CNTNAP2: variants seen among roughly 807,000 people sequenced by gnomAD.
CNTNAP2 encodes the protein contactin-associated protein-like 2.
A neutral mutation model predicts 155.2 loss-of-function variants in CNTNAP2; 98 were observed. The observed-to-expected ratio is 0.63, with a 90% CI of 0.54 to 0.75. CNTNAP2 has a LOEUF of 0.75. CNTNAP2 is among the 30% of genes least tolerant of loss of function. CNTNAP2 has a pLI of 0.00. For synonymous variants in CNTNAP2, 651 were observed against 631.2 expected, an observed-to-expected ratio of 1.03 and a Z score of -0.47; for missense variants, 1,727 against 1,688.1, an observed-to-expected ratio of 1.02 and a Z score of -0.40.
chr7:147,110,174 C>T (rs1042223863), intron 5 of CNTNAP2, among the ~76,000 whole-genome samples: 5 of 152,126 alleles, frequency 3.3e-5, no homozygotes, highest in African/African-American at 7.2e-5. Context: ...ATCCACCTGC[C>T]TTGGCCTTCC....
intron 3 of CNTNAP2, among the ~76,000 whole-genome samples, chr7:146,961,650 A>T (rs1452047797): frequency 6.6e-6 from 1 of 152,140 alleles, no homozygotes; most frequent in African/African-American, 2.4e-5. Flanking sequence ...GGGAACGAAA[A>T]TAATATCGTC....
At chr7:147,457,842 CAA>C (rs10718454) in intron 10 of CNTNAP2, among the ~76,000 whole-genome samples, 6 of 151,500 alleles carry the variant, frequency 4.0e-5, no homozygotes, top group East Asian at 1.9e-4. Flanking sequence ...AATGAATCAA[CAA>C]AAAAAAAATC....
rs1372575910 is a variant in CNTNAP2, at chr7:146,826,856, AT to A, written c.209-12854del. 4.1e-4 allele frequency among the ~76,000 whole-genome samples: 56 copies of A among 138,262 alleles called. 2 individuals are homozygous for A. The highest frequency in any genetic ancestry group is 1.9e-3 in the South Asian group (9 of 4,636). 90.7% of individuals were successfully genotyped at this position (138,262 alleles called of 152,430 possible). ...TATATGTATATATATATATATATAT[AT>A]AGAGAGAGAGAGAGAGAGAGAGACT... is the stretch of plus-strand genomic sequence containing the variant. On this transcript the variant is annotated intron_variant, in intron 2 of 23. Transcript: ENST00000361727.
chr7:146,506,349 C>T (rs1007848321), intron 1 of CNTNAP2, among the ~76,000 whole-genome samples: 26 of 152,318 alleles, frequency 1.7e-4, no homozygotes, highest in African/African-American at 4.1e-4. Flanking sequence ...TCTGTGTCCA[C>T]GCTGGGCATT....
intron 14 of CNTNAP2, among the ~76,000 whole-genome samples, chr7:147,936,901 A>G (rs886770249): frequency 3.9e-5 from 6 of 152,150 alleles, no homozygotes; most frequent in African/African-American, 1.4e-4. Flanking sequence ...AATAAAGAAA[A>G]GTGAATGAGT....
chr7:148,240,500 C>T (rs1796126040), intron 20 of CNTNAP2, among the ~76,000 whole-genome samples: 1 of 152,144 alleles, frequency 6.6e-6, no homozygotes, highest in Admixed American at 6.5e-5. Flanking sequence ...TCAGTGTAAA[C>T]AGAGACCCCA....
Position 146,287,950 on chromosome 7 carries a change from T to G in CNTNAP2, c.97+170977T>G, listed in dbSNP as rs1235742230. Among the ~76,000 whole-genome samples the G allele has an allele frequency of 2.6e-5, 4 of 152,220 alleles. No individual in the cohort carries two copies. In the East Asian group the frequency reaches 7.7e-4, roughly 29 times the overall value. On this transcript the variant is annotated intron_variant, in intron 1 of 23. Transcript: ENST00000361727. ...AATAGTTGTCTCCAAAAATTTAAAT[T>G]TGTATTAAATTTTCTCTTATGTCTT...
intron 1 of CNTNAP2, among the ~76,000 whole-genome samples, chr7:146,257,414 T>C (rs985509440): frequency 4.6e-5 from 7 of 152,212 alleles, no homozygotes; most frequent in Admixed American, 3.9e-4. Context: ...TACCTTCTGC[T>C]GTTTACAAGG....
At chr7:146,823,999 A>G (rs1803349376) in intron 2 of CNTNAP2, among the ~76,000 whole-genome samples, 1 of 148,956 alleles carries the variant, frequency 6.7e-6, no homozygotes, top group Non-Finnish European at 1.5e-5. Flanking sequence ...TAAGCCCCAC[A>G]TGCATTAGGT....
intron 3 of CNTNAP2, among the ~76,000 whole-genome samples, chr7:146,853,901 A>G (rs1794928089): frequency 6.6e-6 from 1 of 152,192 alleles, no homozygotes. Flanking sequence ...TATAAACAAT[A>G]ATGTTTATTA....
intron 12 of CNTNAP2, among the ~76,000 whole-genome samples, chr7:147,586,634 A>C (rs1800631957): frequency 6.6e-6 from 1 of 151,646 alleles, no homozygotes; most frequent in South Asian, 2.1e-4. Flanking sequence ...ATGAGGCAGA[A>C]ACAAAACGGA....
intron 20 of CNTNAP2, among the ~76,000 whole-genome samples, chr7:148,251,968 T>A (rs751106690): frequency 2.0e-5 from 3 of 152,200 alleles, no homozygotes; most frequent in Non-Finnish European, 2.9e-5. Context: ...TCAGAATCCA[T>A]CTTCTTTACC....
intron 1 of CNTNAP2, among the ~76,000 whole-genome samples, chr7:146,293,762 T>A (rs1800468609): frequency 6.6e-6 from 1 of 151,742 alleles, no homozygotes. Context: ...ATTATCTAAT[T>A]TGAAAAAATA....
chr7:147,679,185 A>G (rs1444859450), intron 13 of CNTNAP2, among the ~76,000 whole-genome samples: 1 of 151,906 alleles, frequency 6.6e-6, no homozygotes, highest in African/African-American at 2.4e-5. Context: ...TTATAGTGCA[A>G]TCCATTATCT....
chr7:147,564,064 G>A (rs1423469459), intron 12 of CNTNAP2, among the ~76,000 whole-genome samples: 1 of 152,118 alleles, frequency 6.6e-6, no homozygotes, highest in African/African-American at 2.4e-5. Context: ...AGCTACTTGG[G>A]TGGCTCATGT....
At chr7:148,240,125 C>T (rs1423854837) in intron 20 of CNTNAP2, among the ~76,000 whole-genome samples, 1 of 152,102 alleles carries the variant, frequency 6.6e-6, no homozygotes, top group Non-Finnish European at 1.5e-5. Context: ...AAATTGATTC[C>T]ACTTTAATCA....
rs113823318 is a variant in CNTNAP2, at chr7:147,269,395, C to A, written c.1349-30746C>A. ...AAAGTGTTCACCCACTCAACATAAC[C>A]ATGTTGGATATATAATGCAATCCAG... On this transcript the variant is annotated intron_variant, in intron 8 of 23. Transcript: ENST00000361727. 8.4e-3 allele frequency among the ~76,000 whole-genome samples: 1,277 copies of A among 152,226 alleles called. 22 individuals are homozygous for A. The highest frequency in any genetic ancestry group is 0.029 in the African/African-American group (1,216 of 41,536).
At chr7:147,356,044 C>T (rs1048552224) in intron 9 of CNTNAP2, among the ~76,000 whole-genome samples, 13 of 152,092 alleles carry the variant, frequency 8.5e-5, no homozygotes, top group African/African-American at 3.1e-4. Context: ...CAATAAAATA[C>T]TAGCAAACTG....
At chr7:147,950,192 G>A (rs1259609954) in intron 14 of CNTNAP2, among the ~76,000 whole-genome samples, 1 of 151,808 alleles carries the variant, frequency 6.6e-6, no homozygotes, top group South Asian at 2.1e-4. Context: ...TAACTCACCT[G>A]GAATTGACTT....
Sources: gnomAD v4.1 joint callset for allele counts (sites outside exome capture counted in the v4.1 genomes callset) on GRCh38, gnomAD v4.1.1 for gene constraint, MANE v1.5 for transcripts, NCBI Gene and HGNC (gene_info 2026-07-23, HGNC 2026-07-21) for gene names.